The following SEMA5A variants were observed in gnomAD, a reference collection of about 807,000 sequenced individuals.
The protein encoded by SEMA5A is semaphorin-5A.
In SEMA5A, 55 loss-of-function variants were observed where a neutral mutation model predicts 135.5. That is an observed-to-expected ratio of 0.41 (90% CI 0.33 to 0.51). The LOEUF is 0.51. Among genes scored for constraint, SEMA5A ranks in the 20% least tolerant of loss-of-function variants. SEMA5A has a pLI of 0.37. For synonymous variants in SEMA5A, 580 were observed against 546.5 expected (o/e 1.06, Z -0.85); for missense variants, 1,290 against 1,419.9 (o/e 0.91, Z 1.47).
chr5:9,172,185 C>T lies in SEMA5A; in HGVS notation c.1274-17490G>A, dbSNP rs558572095. On this transcript the variant is annotated intron_variant, in intron 11 of 22. Transcript: ENST00000382496. The stretch of plus-strand genomic sequence containing the variant: ...GTCAGCAACTCCATAAAGCCCCAGA[C>T]AACTGGCTATTATCCAATCCGTGCA... 4.6e-5 allele frequency among the ~76,000 whole-genome samples: 7 copies of T among 152,296 alleles called. No homozygotes were observed. In the South Asian group the frequency reaches 1.5e-3, roughly 32 times the overall value.
At chr5:9,329,855 G>C (rs1341958491) in intron 4 of SEMA5A, among the ~76,000 whole-genome samples, 1 of 152,068 alleles carries the variant, frequency 6.6e-6, no homozygotes, top group Non-Finnish European at 1.5e-5. Flanking sequence ...ATTGGTATTT[G>C]CCTATAACCT....
intron 1 of SEMA5A, among the ~76,000 whole-genome samples, chr5:9,446,564 G>T (rs1425522513): frequency 6.6e-6 from 1 of 151,934 alleles, no homozygotes; most frequent in African/African-American, 2.4e-5. Context: ...CCGGCCTCTG[G>T]GCTTCCACTC....
intron 1 of SEMA5A, among the ~76,000 whole-genome samples, chr5:9,469,567 C>A (rs1014615864): frequency 2.0e-5 from 3 of 152,186 alleles, no homozygotes; most frequent in African/African-American, 7.2e-5. Flanking sequence ...TTCACTCACT[C>A]GCTCCAGGTC....
chr5:9,332,214 TACTC>T (rs1753172255), intron 4 of SEMA5A, among the ~76,000 whole-genome samples: 1 of 151,092 alleles, frequency 6.6e-6, no homozygotes, highest in African/African-American at 2.4e-5. Flanking sequence ...TCTGGGCTGG[TACTC>T]ACATTGCGTC....
intron 15 of SEMA5A, among the ~76,000 whole-genome samples, chr5:9,112,204 A>G (rs929770300): frequency 6.6e-6 from 1 of 152,204 alleles, no homozygotes; most frequent in African/African-American, 2.4e-5. Flanking sequence ...TCAATTAATG[A>G]CCTAGCACTG....
intron 4 of SEMA5A, among the ~76,000 whole-genome samples, chr5:9,327,683 C>T (rs1752940977): frequency 6.6e-6 from 1 of 152,062 alleles, no homozygotes; most frequent in African/African-American, 2.4e-5. Context: ...AATATTTTCC[C>T]ACAAATATAT....
chr5:9,395,226 T>C (rs1403312104), intron 2 of SEMA5A, among the ~76,000 whole-genome samples: 1 of 152,130 alleles, frequency 6.6e-6, no homozygotes, highest in African/African-American at 2.4e-5. Flanking sequence ...CAGAAAACCA[T>C]GGAGGGAACC....
At chr5:9,483,629 C>A (rs1043767608) in intron 1 of SEMA5A, among the ~76,000 whole-genome samples, 9 of 152,180 alleles carry the variant, frequency 5.9e-5, no homozygotes, top group African/African-American at 2.2e-4. Context: ...GGCTGAAAAT[C>A]CCACAATACG....
chr5:9,476,005 T>C (rs990721878), intron 1 of SEMA5A, among the ~76,000 whole-genome samples: 3 of 152,242 alleles, frequency 2.0e-5, no homozygotes, highest in South Asian at 2.1e-4. Flanking sequence ...AAAATACCTA[T>C]GCAAGGAGAT....
At chr5:9,250,107 G>A (rs1748694845) in intron 5 of SEMA5A, among the ~76,000 whole-genome samples, 1 of 152,200 alleles carries the variant, frequency 6.6e-6, no homozygotes, top group African/African-American at 2.4e-5. Flanking sequence ...GACCTGGAAA[G>A]CAGTGTGGCT....
chr5:9,075,103 T>C (rs1260516066), intron 16 of SEMA5A, among the ~76,000 whole-genome samples: 1 of 152,154 alleles, frequency 6.6e-6, no homozygotes, highest in Admixed American at 6.6e-5. Flanking sequence ...TTGAAAAAAA[T>C]GTGAAAACAA....
intron 4 of SEMA5A, 25 bp downstream of exon 4, chr5:9,337,688 G>C (rs779375903): frequency 6.6e-7 from 1 of 1,523,384 alleles, no homozygotes; most frequent in South Asian, 1.2e-5. Flanking sequence ...AAATATCTGT[G>C]GTGGCAAAAT....
chr5:9,241,529 A>T (rs1748193765), intron 5 of SEMA5A, among the ~76,000 whole-genome samples: 1 of 148,504 alleles, frequency 6.7e-6, no homozygotes, highest in African/African-American at 2.5e-5. Context: ...TAATATCATT[A>T]GCTTTCAGGA....
chr5:9,097,581 C>A (rs1378873031), intron 16 of SEMA5A, among the ~76,000 whole-genome samples: 1 of 152,144 alleles, frequency 6.6e-6, no homozygotes, highest in Non-Finnish European at 1.5e-5. Flanking sequence ...AATATGGAAC[C>A]TACAATGGGT....
At chr5:9,148,622 G>A (rs1167264804) in intron 12 of SEMA5A, among the ~76,000 whole-genome samples, 1 of 152,178 alleles carries the variant, frequency 6.6e-6, no homozygotes, top group Admixed American at 6.5e-5. Flanking sequence ...CTAGGATACA[G>A]CTTTAGGCTC....
At chr5:9,255,727 A>G (rs998884947) in intron 5 of SEMA5A, among the ~76,000 whole-genome samples, 5 of 152,038 alleles carry the variant, frequency 3.3e-5, no homozygotes, top group African/African-American at 9.7e-5. Flanking sequence ...CTTGGGTAAT[A>G]TTACCTTGTT....
At chr5:9,190,553 A>G (rs1745051582) in intron 10 of SEMA5A, 82 bp from the exon 11 acceptor site, 1 of 1,328,114 alleles carries the variant, frequency 7.5e-7, no homozygotes, top group South Asian at 1.2e-5. Context: ...GCTGGAAAGT[A>G]ACTTGGAAAT....
At chr5:9,504,392 A>G (rs1178709529) in intron 1 of SEMA5A, among the ~76,000 whole-genome samples, 1 of 152,166 alleles carries the variant, frequency 6.6e-6, no homozygotes, top group Non-Finnish European at 1.5e-5. Context: ...TATTTAGGAA[A>G]TATTCAGCTT....
At chr5:9,290,290 G>A (rs1309816820) in intron 5 of SEMA5A, among the ~76,000 whole-genome samples, 2 of 152,128 alleles carry the variant, frequency 1.3e-5, no homozygotes, top group Non-Finnish European at 2.9e-5. Context: ...CATTATGAGT[G>A]AGAACATATG....
Sources: gnomAD v4.1 joint callset for allele counts (sites outside exome capture counted in the v4.1 genomes callset) on GRCh38, gnomAD v4.1.1 for gene constraint, MANE v1.5 for transcripts, NCBI Gene and HGNC (gene_info 2026-07-23, HGNC 2026-07-21) for gene names.